The following WDR70 variants were observed in gnomAD, a reference collection of about 807,000 sequenced individuals.
The protein encoded by WDR70 is WD repeat domain 70.
Under a neutral mutation model 88.6 loss-of-function variants are expected in WDR70, and 53 were observed. The observed-to-expected ratio is 0.60, with a 90% confidence interval of 0.48 to 0.75. The LOEUF (loss-of-function observed/expected upper bound fraction) is 0.75, where lower values mean the gene tolerates loss of function less well. WDR70 is among the 30% of genes least tolerant of loss of function. WDR70 has a pLI of 0.00. For synonymous variants in WDR70, 280 were observed against 270.0 expected (o/e 1.04, Z -0.36); for missense variants, 610 against 823.2 (o/e 0.74, Z 3.17).
At chr5:37,707,256 GT>G (rs1227063066) in intron 13 of WDR70, among the ~76,000 whole-genome samples, 1 of 152,078 alleles carries the variant, frequency 6.6e-6, no homozygotes, top group East Asian at 1.9e-4. Flanking sequence ...GGTTAATCAG[GT>G]TGTTTTAACC....
chr5:37,470,140 A>AAC (rs1739281398), intron 7 of WDR70, among the ~76,000 whole-genome samples: 1 of 113,872 alleles, frequency 8.8e-6, no homozygotes, highest in African/African-American at 2.5e-5. Flanking sequence ...CAAAAACAAA[A>AAC]AAAAACGCAC....
At chr5:37,726,339 A>G (rs1161550199) in intron 16 of WDR70, among the ~76,000 whole-genome samples, 2 of 152,180 alleles carry the variant, frequency 1.3e-5, no homozygotes, top group Non-Finnish European at 2.9e-5. Context: ...ACCAGTCACT[A>G]TACTAGCTGC....
intron 9 of WDR70, among the ~76,000 whole-genome samples, chr5:37,536,078 G>A (rs1050830859): frequency 2.0e-5 from 3 of 152,096 alleles, no homozygotes; most frequent in African/African-American, 4.8e-5. Flanking sequence ...CTCTTGTAGG[G>A]CACTACAGTG....
intron 5 of WDR70, among the ~76,000 whole-genome samples, chr5:37,430,261 T>G (rs1750260992): frequency 6.6e-6 from 1 of 152,110 alleles, no homozygotes; most frequent in Non-Finnish European, 1.5e-5. Context: ...AAGGGAGTGA[T>G]AAGATGAAAG....
chr5:37,386,611 T>C (rs543973635), intron 3 of WDR70, among the ~76,000 whole-genome samples: 136 of 152,292 alleles, frequency 8.9e-4, no homozygotes, highest in Non-Finnish European at 1.2e-3. Context: ...TTATTTTTAA[T>C]TTTTTTATTT....
chr5:37,577,482 A>G (rs1743092758), intron 9 of WDR70, among the ~76,000 whole-genome samples: 1 of 152,196 alleles, frequency 6.6e-6, no homozygotes, highest in African/African-American at 2.4e-5. Flanking sequence ...CAGCCAATCA[A>G]TCAAAAAAAT....
chr5:37,464,080 G>A (rs1739089840), intron 7 of WDR70, among the ~76,000 whole-genome samples: 3 of 152,266 alleles, frequency 2.0e-5, no homozygotes, highest in Admixed American at 1.3e-4. Context: ...GCCATTGACT[G>A]TTTCTACTTT....
chr5:37,628,313 T>A (rs1449135675), intron 10 of WDR70, among the ~76,000 whole-genome samples: 1 of 152,156 alleles, frequency 6.6e-6, no homozygotes, highest in Non-Finnish European at 1.5e-5. Context: ...CCCTACTACA[T>A]ATTGAAGTGT....
Position 37,711,361 on chromosome 5 carries a change from G to A in WDR70, c.1416+8274G>A, listed in dbSNP as rs148621011. Among the ~76,000 whole-genome samples the A allele has an allele frequency of 4.1e-4, 62 of 152,272 alleles. 1 individual carries two copies. The East Asian group carries it at 0.012, about 29-fold the overall frequency. On this transcript the variant is annotated intron_variant, in intron 13 of 17. Transcript: ENST00000265107. ...CTGCACACTACGACGTAACTCTCCTGTATAAAAATTAGACTTAACAGATTT... is the reference window on the plus strand; with the variant it reads ...CTGCACACTACGACGTAACTCTCCTATATAAAAATTAGACTTAACAGATTT...
intron 9 of WDR70, among the ~76,000 whole-genome samples, chr5:37,588,362 G>T (rs552877869): frequency 6.6e-6 from 1 of 152,206 alleles, no homozygotes; most frequent in South Asian, 2.1e-4. Flanking sequence ...ACACCCAAGG[G>T]TGTTATCTTA....
intron 10 of WDR70, among the ~76,000 whole-genome samples, chr5:37,672,427 G>GCT (rs999421212): frequency 6.6e-6 from 1 of 152,082 alleles, no homozygotes; most frequent in Non-Finnish European, 1.5e-5. Flanking sequence ...TGTAAAACCC[G>GCT]CTCGTACATT....
intron 7 of WDR70, among the ~76,000 whole-genome samples, chr5:37,444,577 A>T (rs1219537459): frequency 6.6e-6 from 1 of 152,016 alleles, no homozygotes; most frequent in Non-Finnish European, 1.5e-5. Flanking sequence ...TCCTGATCTC[A>T]AGTAATCCAC....
At position 37,667,932 on chromosome 5, in the gene WDR70, A is replaced by G. The variant is rs570172295; in HGVS notation, c.1093-29723A>G. 5.3e-5 allele frequency among the ~76,000 whole-genome samples: 8 copies of G among 151,582 alleles called. No homozygotes were observed. The East Asian group carries it at 1.5e-3, about 29-fold the overall frequency. ...GAGGTTGATTTATTCTAGGACTACT[A>G]CTTAAAAGACTTTGGCTTTTAATAT... is the stretch of plus-strand genomic sequence containing the variant. On this transcript the variant is annotated intron_variant, in intron 10 of 17. Coordinates refer to ENST00000265107, the MANE Select transcript of WDR70 (RefSeq NM_018034.4).
chr5:37,489,223 A>T (rs1009062417), intron 8 of WDR70, among the ~76,000 whole-genome samples: 6 of 152,226 alleles, frequency 3.9e-5, no homozygotes, highest in African/African-American at 1.4e-4. Flanking sequence ...CCTTGCGCAC[A>T]GTATATGAGC....
intron 17 of WDR70, among the ~76,000 whole-genome samples, chr5:37,727,903 C>G (rs1215760766): frequency 6.6e-6 from 1 of 152,068 alleles, no homozygotes; most frequent in African/African-American, 2.4e-5. Context: ...AATTTTTAAA[C>G]TTTTTAAATT....
chr5:37,564,621 T>C (rs1482471200), intron 9 of WDR70, among the ~76,000 whole-genome samples: 2 of 123,602 alleles, frequency 1.6e-5, no homozygotes, highest in Admixed American at 1.7e-4. Context: ...GGCTTAATTC[T>C]CTTATCCATC....
intron 10 of WDR70, among the ~76,000 whole-genome samples, chr5:37,696,055 T>C (rs1309566039): frequency 6.6e-6 from 1 of 152,206 alleles, no homozygotes; most frequent in Non-Finnish European, 1.5e-5. Context: ...ATTTCCCCAT[T>C]GTAGCACTTG....
chr5:37,740,410 G>T (rs1383289034), intron 17 of WDR70, among the ~76,000 whole-genome samples: 1 of 152,156 alleles, frequency 6.6e-6, no homozygotes, highest in African/African-American at 2.4e-5. Context: ...CTCTCACTAT[G>T]CTCCTACAAA....
chr5:37,484,429 C>T (rs537512852), intron 8 of WDR70, among the ~76,000 whole-genome samples: 2 of 152,306 alleles, frequency 1.3e-5, no homozygotes, highest in Non-Finnish European at 2.9e-5. Context: ...GCGGCGCGCG[C>T]CTGCAATCGC....
Sources: allele counts gnomAD v4.1 joint callset (sites outside exome capture counted in the v4.1 genomes callset), GRCh38; gene constraint gnomAD v4.1.1; transcripts MANE v1.5; gene names NCBI Gene and HGNC (gene_info 2026-07-23, HGNC 2026-07-21).